PHACTR1: variants seen among roughly 807,000 people sequenced by gnomAD.
PHACTR1 encodes the protein RPEL repeat containing 1.
A neutral mutation model predicts 69.2 loss-of-function variants in PHACTR1; 16 were observed. The ratio of observed to expected loss-of-function variants is 0.23; its 90% CI spans 0.16 to 0.35. The LOEUF is 0.35. Ranked by LOEUF, PHACTR1 falls within the 10% of genes least tolerant of loss-of-function variation. The pLI is 1.00. For synonymous variants in PHACTR1, 312 were observed against 284.5 expected (o/e 1.10, Z -0.97); for missense variants, 510 against 734.7 (o/e 0.69, Z 3.54).
At chr6:13,008,709 A>G (rs1310741937) in intron 4 of PHACTR1, among the ~76,000 whole-genome samples, 1 of 152,196 alleles carries the variant, frequency 6.6e-6, no homozygotes, top group Non-Finnish European at 1.5e-5. Flanking sequence ...AACCATTTAG[A>G]AGTACTTTTT....
At chr6:13,263,423 G>T (rs1231177329) in intron 10 of PHACTR1, among the ~76,000 whole-genome samples, 1 of 151,068 alleles carries the variant, frequency 6.6e-6, no homozygotes, top group Non-Finnish European at 1.5e-5. Flanking sequence ...ATAGCATGTG[G>T]CATTTAAACA....
chr6:13,050,199 G>T (rs575055402), intron 4 of PHACTR1, among the ~76,000 whole-genome samples: 1 of 152,330 alleles, frequency 6.6e-6, no homozygotes, highest in East Asian at 1.9e-4. Context: ...CTCAAATTCA[G>T]TGTTACTTCT....
chr6:12,749,180 T>C (rs1354182819), intron 3 of PHACTR1, among the ~76,000 whole-genome samples: 1 of 152,230 alleles, frequency 6.6e-6, no homozygotes, highest in Non-Finnish European at 1.5e-5. Flanking sequence ...AGTGTGCACT[T>C]GGGCAGCGTA....
chr6:13,278,439 C>A, intron 12 of PHACTR1, 110 bp downstream of exon 12: 3 of 953,008 alleles, frequency 3.1e-6, no homozygotes, highest in Non-Finnish European at 4.8e-6. Flanking sequence ...TCCTCTCCTC[C>A]TGTGTCAGAG....
chr6:13,140,654 T>C (rs1822295956), intron 5 of PHACTR1, among the ~76,000 whole-genome samples: 1 of 152,214 alleles, frequency 6.6e-6, no homozygotes, highest in South Asian at 2.1e-4. Context: ...GAGGAGTTAC[T>C]GTTTGGTGAA....
intron 4 of PHACTR1, among the ~76,000 whole-genome samples, chr6:12,888,072 C>CAAAAAAA (rs33925347): frequency 5.6e-5 from 4 of 71,918 alleles, no homozygotes; most frequent in Admixed American, 2.0e-4. Context: ...GACTCCATCT[C>CAAAAAAA]AAAAAAAAAA....
At chr6:13,115,881 C>T (rs1817741080) in intron 5 of PHACTR1, among the ~76,000 whole-genome samples, 1 of 152,126 alleles carries the variant, frequency 6.6e-6, no homozygotes, top group African/African-American at 2.4e-5. Flanking sequence ...AAAATTTCAC[C>T]AAGCCCAGAG....
chr6:12,902,997 C>A (rs1310380641), intron 4 of PHACTR1, among the ~76,000 whole-genome samples: 6 of 152,136 alleles, frequency 3.9e-5, no homozygotes, highest in African/African-American at 1.4e-4. Flanking sequence ...TCCCTGGTGG[C>A]TTTTTCAACT....
At chr6:13,259,808 G>A (rs553257925) in intron 10 of PHACTR1, among the ~76,000 whole-genome samples, 32 of 152,314 alleles carry the variant, frequency 2.1e-4, no homozygotes, top group African/African-American at 7.5e-4. Context: ...CTCTAGCCAG[G>A]CTAACTGTTC....
intron 4 of PHACTR1, among the ~76,000 whole-genome samples, chr6:12,885,886 G>A (rs1225767210): frequency 6.6e-6 from 1 of 152,182 alleles, no homozygotes; most frequent in Non-Finnish European, 1.5e-5. Flanking sequence ...CCTGAGGTCA[G>A]GAGTTCAAGA....
chr6:13,013,119 C>T (rs1045258269), intron 4 of PHACTR1, among the ~76,000 whole-genome samples: 1 of 152,190 alleles, frequency 6.6e-6, no homozygotes, highest in Non-Finnish European at 1.5e-5. Flanking sequence ...AGATGTCACT[C>T]GCTTTGCTAA....
intron 13 of PHACTR1, among the ~76,000 whole-genome samples, chr6:13,284,279 A>T (rs956612181): frequency 5.9e-5 from 9 of 151,894 alleles, no homozygotes; most frequent in Non-Finnish European, 8.8e-5. Flanking sequence ...GCACTTTGGG[A>T]GGCCGAGGCG....
intron 10 of PHACTR1, among the ~76,000 whole-genome samples, chr6:13,233,368 A>C (rs1771526877): frequency 6.6e-6 from 1 of 152,278 alleles, no homozygotes; most frequent in Non-Finnish European, 1.5e-5. Flanking sequence ...CATAGTATAC[A>C]TTGTTCCCAG....
At chr6:12,963,068 G>A (rs1334671817) in intron 4 of PHACTR1, among the ~76,000 whole-genome samples, 1 of 152,184 alleles carries the variant, frequency 6.6e-6, no homozygotes, top group Non-Finnish European at 1.5e-5. Context: ...TTTGCAAGGG[G>A]TATTTACAAG....
chr6:13,177,696 C>T (rs1375739826), intron 6 of PHACTR1, among the ~76,000 whole-genome samples: 2 of 152,182 alleles, frequency 1.3e-5, no homozygotes, highest in South Asian at 2.1e-4. Flanking sequence ...AATGTAGCAA[C>T]AAACCATTTT....
intron 4 of PHACTR1, among the ~76,000 whole-genome samples, chr6:12,884,995 G>C (rs1426227998): frequency 6.6e-6 from 1 of 152,198 alleles, no homozygotes; most frequent in East Asian, 1.9e-4. Context: ...TTGGAGTCGA[G>C]TCCTAGAGGA....
intron 4 of PHACTR1, among the ~76,000 whole-genome samples, chr6:13,002,401 C>T (rs1798199295): frequency 6.6e-6 from 1 of 151,586 alleles, no homozygotes; most frequent in South Asian, 2.1e-4. Context: ...ATGGAATTAC[C>T]TATCTCTCTC....
intron 4 of PHACTR1, among the ~76,000 whole-genome samples, chr6:12,840,691 ATCAGCACAAGTC>A (rs1418389023): frequency 8.5e-5 from 13 of 152,224 alleles, no homozygotes; most frequent in Non-Finnish European, 1.8e-4. Context: ...ATACCCATAC[ATCAGCACAAGTC>A]TCACCATCTC....
intron 10 of PHACTR1, among the ~76,000 whole-genome samples, chr6:13,248,955 TGA>T (rs1347289040): frequency 6.6e-6 from 1 of 152,210 alleles, no homozygotes; most frequent in Non-Finnish European, 1.5e-5. Flanking sequence ...GATATTTTAT[TGA>T]GAGTGATAAG....
Sources: gnomAD v4.1 joint callset for allele counts (sites outside exome capture counted in the v4.1 genomes callset) on GRCh38, gnomAD v4.1.1 for gene constraint, MANE v1.5 for transcripts, NCBI Gene and HGNC (gene_info 2026-07-23, HGNC 2026-07-21) for gene names.